Variants in FBXL17 observed in about 807,000 individuals in gnomAD.
FBXL17 encodes the protein F-box and leucine rich repeat protein 17.
A neutral mutation model predicts 66.2 loss-of-function variants in FBXL17; 22 were observed. That is an observed-to-expected ratio of 0.33 (90% CI 0.24 to 0.47). FBXL17 has a LOEUF of 0.47. Ranked by LOEUF, FBXL17 falls within the 20% of genes least tolerant of loss-of-function variation. FBXL17 has a pLI of 1.00. For synonymous variants in FBXL17, 474 were observed against 400.5 expected, an observed-to-expected ratio of 1.18 and a Z score of -2.19; for missense variants, 878 against 948.2, an observed-to-expected ratio of 0.93 and a Z score of 0.97.
In FBXL17 at chr5:108,168,499, G is replaced by T. The variant is rs529528059; in HGVS notation, c.1745+17618C>A. On this transcript the variant is annotated intron_variant, in intron 6 of 8. Transcript: ENST00000542267. ...CCCATTCCAAATGACTGCTTTAATA[G>T]AACGTTTGAAATAACCCATATGTAG... 2.3e-4 allele frequency among the ~76,000 whole-genome samples: 35 copies of T among 152,150 alleles called. No homozygotes were observed. The South Asian group carries it at 6.8e-3, about 30-fold the overall frequency.
In FBXL17 at chr5:108,240,183, C is replaced by T. The variant is rs566719827; in HGVS notation, c.1507-15955G>A. ...ACTCCTTCTACTTGAGAAAAGAAGA[C>T]ATTAAAGAGGACTTTATCTTGCAGC... On this transcript the variant is annotated intron_variant, in intron 4 of 8. Coordinates refer to ENST00000542267, the MANE Select transcript of FBXL17 (RefSeq NM_001163315.3). Among the ~76,000 whole-genome samples, 5 of 152,234 alleles carry T rather than the reference C, an allele frequency of 3.3e-5. No individual in the cohort carries two copies. In the South Asian group the frequency reaches 1.0e-3, roughly 32 times the overall value.
chr5:107,923,020 T>G (rs1013334625), intron 7 of FBXL17, among the ~76,000 whole-genome samples: 2 of 152,218 alleles, frequency 1.3e-5, no homozygotes, highest in African/African-American at 4.8e-5. Flanking sequence ...AGAAAGCTTG[T>G]CAGACTTGTT....
chr5:108,036,131 G>C (rs1028624525), intron 6 of FBXL17, among the ~76,000 whole-genome samples: 1 of 152,120 alleles, frequency 6.6e-6, no homozygotes, highest in Admixed American at 6.5e-5. Context: ...GGATTGAGAT[G>C]ACTGTGCCAG....
rs140258668 is a variant in FBXL17 at position 108,028,769 on chromosome 5, A to AT, written c.1746-7769dup. On this transcript the variant is annotated intron_variant, in intron 6 of 8. Transcript: ENST00000542267. ...TAAAATCTCTTTTTGGATAAGCCAA[A>AT]TTCTCAGAAGACTACAAAACACAGG... Among the ~76,000 whole-genome samples the AT allele has an allele frequency of 5.0e-3, 767 of 152,286 alleles. 4 individuals are homozygous for AT. Among genetic ancestry groups the AT allele is most frequent in the African/African-American group, 0.017 (727 of 41,566 alleles).
chr5:108,274,696 G>A (rs929486330), intron 4 of FBXL17, among the ~76,000 whole-genome samples: 1 of 152,206 alleles, frequency 6.6e-6, no homozygotes, highest in African/African-American at 2.4e-5. Context: ...TTTAGAGATT[G>A]TAGTAAAGAC....
chr5:108,100,229 GTTTC>G (rs1248103882), intron 6 of FBXL17, among the ~76,000 whole-genome samples: 3 of 152,078 alleles, frequency 2.0e-5, no homozygotes, highest in African/African-American at 7.2e-5. Flanking sequence ...TTTGGACTCT[GTTTC>G]TTTAACAAGA....
chr5:108,004,012 T>C (rs1197770746), intron 7 of FBXL17, among the ~76,000 whole-genome samples: 1 of 151,848 alleles, frequency 6.6e-6, no homozygotes, highest in Non-Finnish European at 1.5e-5. Context: ...AAGAAACACA[T>C]AGGAAGAGAT....
At chr5:108,043,331 A>T (rs1332518276) in intron 6 of FBXL17, among the ~76,000 whole-genome samples, 3 of 151,936 alleles carry the variant, frequency 2.0e-5, no homozygotes, top group African/African-American at 7.2e-5. Context: ...TTCCCCCCCT[A>T]GGTTTCTTTC....
In FBXL17 at chr5:108,381,603, A is replaced by C; in HGVS notation, c.89T>G (p.Leu30Arg). Residue 30 changes from leucine to arginine, a missense_variant, in exon 1 of 9, where the codon CTC becomes CGC. Around this residue, in one of 4 missense-constraint regions of FBXL17, gnomAD observed 605 missense variants for 509.5 expected, o/e 1.19. Coordinates refer to ENST00000542267, the MANE Select transcript of FBXL17 (RefSeq NM_001163315.3). ...CCSWCRRRRP[L>R]LRLPRRTPAK... ...TGGGGTCCGGCGGGGCAGCCTGAGG[A>C]GAGGGCGCCGGCGGCGGCACCAACT... is the stretch of plus-strand genomic sequence containing the variant. 1 of 1,478,204 alleles carries C rather than the reference A, an allele frequency of 6.8e-7. No homozygotes were observed. Among genetic ancestry groups the C allele is most frequent in the South Asian group, 1.3e-5 (1 of 77,858 alleles). 91.6% of individuals were successfully genotyped at this position (1,478,204 alleles called of 1,614,324 possible). A position where few individuals can be genotyped will look rare whatever the true frequency, so the allele number is the denominator to read the frequency against.
At chr5:108,287,643 G>A (rs912572183) in intron 4 of FBXL17, among the ~76,000 whole-genome samples, 5 of 151,820 alleles carry the variant, frequency 3.3e-5, no homozygotes, top group Non-Finnish European at 5.9e-5. Context: ...GCAGACAAAG[G>A]GGAATGCTTC....
At chr5:107,975,861 T>G (rs1357135671) in intron 7 of FBXL17, among the ~76,000 whole-genome samples, 6 of 66,806 alleles carry the variant, frequency 9.0e-5, no homozygotes, top group Non-Finnish European at 1.3e-4. Flanking sequence ...GTTGTTGTTT[T>G]TTTTTTTTTT....
rs184375495 is a variant in FBXL17, at chr5:108,065,030, T to C, written c.1746-44029A>G. Among the ~76,000 whole-genome samples the C allele has an allele frequency of 3.3e-3, 502 of 152,292 alleles. 4 individuals are homozygous for C. Among genetic ancestry groups the C allele is most frequent in the African/African-American group, 0.011 (476 of 41,574 alleles). On this transcript the variant is annotated intron_variant, in intron 6 of 8. Transcript: ENST00000542267. The stretch of plus-strand genomic sequence containing the variant: ...AAGAGAATGAAAATGAAGTCTACCT[T>C]TCTCCCTCTTCTATCCCTAGAAGCT...
At chr5:107,935,112 G>A (rs1580726411) in intron 7 of FBXL17, among the ~76,000 whole-genome samples, 1 of 151,972 alleles carries the variant, frequency 6.6e-6, no homozygotes, top group East Asian at 1.9e-4. Flanking sequence ...GTTTAAATAA[G>A]AAGTCATATT....
intron 4 of FBXL17, among the ~76,000 whole-genome samples, chr5:108,259,004 A>T (rs566413226): frequency 6.6e-6 from 1 of 152,280 alleles, no homozygotes; most frequent in South Asian, 2.1e-4. Flanking sequence ...TCATAGTGAA[A>T]GCAATTATAC....
chr5:108,258,966 C>T (rs550884738), intron 4 of FBXL17, among the ~76,000 whole-genome samples: 8 of 151,944 alleles, frequency 5.3e-5, no homozygotes, highest in African/African-American at 1.7e-4. Flanking sequence ...TTATCCAGGG[C>T]CCTCATATTT....
In FBXL17 at chr5:107,859,397, T is replaced by TTTG. The variant is rs1748060215; in HGVS notation, c.*2322_*2323insCAA. ...TGATGCTTTTTTCTGGCTGTTTTTT[T>TTTG]TTTTTTTTTTTTTTTTTTTTGAGAT... On this transcript the variant is annotated 3_prime_UTR_variant, in exon 9 of 9. Transcript: ENST00000542267. The TTTG allele has an allele frequency of 7.0e-6, 1 of 142,262 alleles. No homozygotes were observed. The highest frequency in any genetic ancestry group is 2.6e-5 in the African/African-American group (1 of 38,454). 8.8% of individuals were successfully genotyped at this position (142,262 alleles called of 1,614,324 possible). A position where few individuals can be genotyped will look rare whatever the true frequency, so the allele number is the denominator to read the frequency against.
At chr5:108,099,472 T>C (rs1333747176) in intron 6 of FBXL17, among the ~76,000 whole-genome samples, 1 of 152,124 alleles carries the variant, frequency 6.6e-6, no homozygotes, top group Non-Finnish European at 1.5e-5. Flanking sequence ...TAGATATTGA[T>C]TTATAGACAA....
intron 6 of FBXL17, among the ~76,000 whole-genome samples, chr5:108,087,615 G>C (rs537670069): frequency 6.6e-6 from 1 of 151,962 alleles, no homozygotes; most frequent in African/African-American, 2.4e-5. Flanking sequence ...CTCGATCTCA[G>C]TGTCTGCTTC....
At chr5:108,001,350 C>T (rs913343106) in intron 7 of FBXL17, among the ~76,000 whole-genome samples, 52 of 151,844 alleles carry the variant, frequency 3.4e-4, no homozygotes, top group African/African-American at 1.3e-3. Context: ...GGAATTAATC[C>T]CTAATTAAAT....
Sources: allele counts gnomAD v4.1 joint callset (sites outside exome capture counted in the v4.1 genomes callset), GRCh38; gene constraint gnomAD v4.1.1; regional missense constraint gnomAD v4.1.1; transcripts MANE v1.5; gene names NCBI Gene and HGNC (gene_info 2026-07-23, HGNC 2026-07-21).